CFAP96: variants seen among roughly 807,000 people sequenced by gnomAD.
CFAP96 encodes the protein cilia and flagella associated protein 96.
the CFAP96 span, among the ~76,000 whole-genome samples, chr4:185,412,916 G>A: frequency 1.1e-4 from 16 of 151,946 alleles, no homozygotes; most frequent in South Asian, 4.2e-4. Flanking sequence ...ACCACCCTCC[G>A]CCAATTCACT....
the CFAP96 span, among the ~76,000 whole-genome samples, chr4:185,411,468 T>C: frequency 6.6e-6 from 1 of 152,162 alleles, no homozygotes; most frequent in Non-Finnish European, 1.5e-5. Context: ...AAGAAAATTA[T>C]AAGCCAGTAT....
chr4:185,435,034 C>T, the CFAP96 span, among the ~76,000 whole-genome samples: 138 of 152,294 alleles, frequency 9.1e-4, no homozygotes, highest in African/African-American at 3.2e-3. Context: ...AGCCACCACA[C>T]CCACCCCCGG....
chr4:185,410,332 G>A, the CFAP96 span, among the ~76,000 whole-genome samples: 560 of 152,240 alleles, frequency 3.7e-3, 4 homozygotes, highest in African/African-American at 0.013. Context: ...TGCTTTGCTT[G>A]AAATTTAAAA....
chr4:185,438,267 T>TA, the CFAP96 span, among the ~76,000 whole-genome samples: 8 of 152,070 alleles, frequency 5.3e-5, no homozygotes, highest in East Asian at 3.9e-4. Flanking sequence ...CCTATTAACT[T>TA]AAAAAAAAGT....
At chr4:185,417,637 G>A in the CFAP96 span, among the ~76,000 whole-genome samples, 4 of 152,168 alleles carry the variant, frequency 2.6e-5, no homozygotes, top group African/African-American at 7.2e-5. Flanking sequence ...AAACACTGTC[G>A]TCACATTAAC....
the CFAP96 span, among the ~76,000 whole-genome samples, chr4:185,414,272 G>A: frequency 1.3e-5 from 2 of 152,042 alleles, no homozygotes; most frequent in Admixed American, 6.6e-5. Context: ...AAATTGTGTC[G>A]AGTGCCTTAC....
the CFAP96 span, chr4:185,445,178 C>A: frequency 7.0e-7 from 1 of 1,428,832 alleles, no homozygotes; most frequent in Non-Finnish European, 9.5e-7. Context: ...AAATTGTTTC[C>A]AACTTTTATA....
chr4:185,429,851 A>C, the CFAP96 span, among the ~76,000 whole-genome samples: 1 of 148,658 alleles, frequency 6.7e-6, no homozygotes, highest in African/African-American at 2.6e-5. Context: ...TTTGTGGAGT[A>C]GGGCGGGGGA....
the CFAP96 span, chr4:185,429,325 G>A: frequency 1.6e-6 from 1 of 644,206 alleles, no homozygotes; most frequent in Non-Finnish European, 2.5e-6. Flanking sequence ...TATTTTCAAT[G>A]TAAAGTAGGA....
the CFAP96 span, chr4:185,440,527 CTT>C: frequency 6.7e-7 from 1 of 1,483,476 alleles, no homozygotes; most frequent in African/African-American, 1.5e-5. Context: ...ATTTCAAACT[CTT>C]TAATTCACAG....
the CFAP96 span, among the ~76,000 whole-genome samples, chr4:185,417,769 C>T: frequency 2.6e-5 from 4 of 152,224 alleles, no homozygotes; most frequent in Admixed American, 2.0e-4. Context: ...ACCAGCCGGG[C>T]GCGGTGGCTC....
chr4:185,416,568 G>T, the CFAP96 span, among the ~76,000 whole-genome samples: 1 of 152,152 alleles, frequency 6.6e-6, no homozygotes, highest in African/African-American at 2.4e-5. Context: ...GGAACTGGAG[G>T]TATCAATGTG....
the CFAP96 span, chr4:185,440,512 A>G: frequency 7.1e-7 from 1 of 1,405,086 alleles, no homozygotes; most frequent in African/African-American, 1.5e-5. Flanking sequence ...AATTTGTGCT[A>G]TGTAATTTCA....
chr4:185,449,193 T>C, the CFAP96 span, among the ~76,000 whole-genome samples: 1 of 152,202 alleles, frequency 6.6e-6, no homozygotes, highest in African/African-American at 2.4e-5. Flanking sequence ...AAAGTATATT[T>C]GTTTTAAATT....
the CFAP96 span, chr4:185,415,789 T>C: frequency 1.2e-6 from 2 of 1,613,804 alleles, no homozygotes; most frequent in Admixed American, 3.3e-5. Flanking sequence ...TGTCCTCCGC[T>C]TTCCCTTTCA....
chr4:185,444,612 C>A, the CFAP96 span, among the ~76,000 whole-genome samples: 5 of 151,824 alleles, frequency 3.3e-5, no homozygotes, highest in Non-Finnish European at 7.4e-5. Context: ...CTCCTTGTTC[C>A]CCATTCTCTA....
chr4:185,419,155 G>A, the CFAP96 span, among the ~76,000 whole-genome samples: 1 of 150,142 alleles, frequency 6.7e-6, no homozygotes, highest in Non-Finnish European at 1.5e-5. Context: ...TTTTTGAGAT[G>A]GAGTCTCGCT....
the CFAP96 span, among the ~76,000 whole-genome samples, chr4:185,435,665 G>C: frequency 1.3e-5 from 2 of 152,142 alleles, no homozygotes; most frequent in African/African-American, 4.8e-5. Flanking sequence ...TTAAATATTT[G>C]TTTTGCAAGT....
chr4:185,415,311 T>C, the CFAP96 span: 56,307 of 1,598,700 alleles, frequency 0.035, 1,126 homozygotes, highest in Middle Eastern at 0.073. Context: ...TGTCAGTTAG[T>C]TGATTATGAA....
Sources: gnomAD v4.1 joint callset for allele counts (sites outside exome capture counted in the v4.1 genomes callset) on GRCh38, gnomAD v4.1.1 for gene constraint, MANE v1.5 for transcripts, NCBI Gene and HGNC (gene_info 2026-07-23, HGNC 2026-07-21) for gene names.